RAD51B: variants seen among roughly 807,000 people sequenced by gnomAD.
RAD51B encodes the protein DNA repair protein RAD51 homolog 2.
RAD51B carries 38 observed loss-of-function variants against 42.2 expected under a neutral mutation model. The observed-to-expected ratio is 0.90, with a 90% CI of 0.70 to 1.18. The LOEUF (loss-of-function observed/expected upper bound fraction) is 1.18. Ranked by LOEUF, RAD51B falls within the 50% of genes most tolerant of loss-of-function variation. The probability of loss-of-function intolerance (pLI) is 0.00; values close to 1 mark genes in which losing one functional copy is unlikely to be tolerated. For missense variants in RAD51B, 373 were observed against 400.7 expected, an observed-to-expected ratio of 0.93 and a Z score of 0.59; for synonymous variants, 154 against 145.2, an observed-to-expected ratio of 1.06 and a Z score of -0.43.
intron 9 of RAD51B, among the ~76,000 whole-genome samples, chr14:68,462,074 G>C (rs903509141): frequency 6.6e-6 from 1 of 152,210 alleles, no homozygotes; most frequent in Non-Finnish European, 1.5e-5. Context: ...CAGATCTGCT[G>C]AGTCCCACTG....
chr14:68,275,460 A>C (rs540898283), intron 7 of RAD51B, among the ~76,000 whole-genome samples: 1 of 151,760 alleles, frequency 6.6e-6, no homozygotes, highest in African/African-American at 2.4e-5. Flanking sequence ...AAAGTAGTGG[A>C]ACAAATAAGG....
intron 7 of RAD51B, among the ~76,000 whole-genome samples, chr14:68,232,884 G>A (rs188153339): frequency 6.6e-6 from 1 of 152,128 alleles, no homozygotes; most frequent in Non-Finnish European, 1.5e-5. Flanking sequence ...ACTCATTCAG[G>A]CCTCTAGAAA....
rs568220574 is a variant in RAD51B at position 68,257,275 on chromosome 14, T to A, written c.757-34609T>A. Among the ~76,000 whole-genome samples the A allele has an allele frequency of 3.9e-5, 6 of 152,330 alleles. No homozygotes were observed. In the East Asian group the frequency reaches 7.7e-4, roughly 20 times the overall value. ...AGAAAACATTTTGAGTAGATAATGG[T>A]AATAGTTATGTAATGTTATGAATTA... On this transcript the variant is annotated intron_variant, in intron 7 of 10. Coordinates refer to ENST00000471583, the MANE Select transcript of RAD51B (RefSeq NM_133510.4).
intron 9 of RAD51B, among the ~76,000 whole-genome samples, chr14:68,445,195 G>A (rs1449175199): frequency 6.6e-6 from 1 of 152,088 alleles, no homozygotes; most frequent in East Asian, 1.9e-4. Context: ...TTTCAACAAA[G>A]GGACAATTTA....
intron 7 of RAD51B, among the ~76,000 whole-genome samples, chr14:68,004,191 G>GGT (rs940429108): frequency 2.5e-4 from 38 of 152,132 alleles, no homozygotes; most frequent in African/African-American, 8.4e-4. Context: ...AAATTAGCCA[G>GGT]GTGTGGTGGC....
At chr14:68,428,986 T>A (rs1287018600) in intron 9 of RAD51B, among the ~76,000 whole-genome samples, 2 of 148,598 alleles carry the variant, frequency 1.3e-5, no homozygotes, top group African/African-American at 2.5e-5. Flanking sequence ...ATTCCCACTA[T>A]GAGTGAGAAC....
At chr14:68,090,212 A>C (rs1055062052) in intron 7 of RAD51B, among the ~76,000 whole-genome samples, 2 of 152,170 alleles carry the variant, frequency 1.3e-5, no homozygotes, top group African/African-American at 2.4e-5. Context: ...TATCTCGTTA[A>C]TCTTCCAGCA....
At chr14:67,980,632 A>T (rs2075074741) in intron 7 of RAD51B, among the ~76,000 whole-genome samples, 2 of 152,196 alleles carry the variant, frequency 1.3e-5, no homozygotes, top group Admixed American at 1.3e-4. Context: ...GTATAAAGGC[A>T]ATTCACGGGT....
downstream of RAD51B, among the ~76,000 whole-genome samples, chr14:68,600,767 G>C (rs890679286): frequency 5.3e-5 from 8 of 152,132 alleles, no homozygotes; most frequent in African/African-American, 1.9e-4. Context: ...CACTCTCCCA[G>C]CCTCCTTTAG....
chr14:68,482,210 T>C (rs1479966065), downstream of RAD51B, among the ~76,000 whole-genome samples: 2 of 152,116 alleles, frequency 1.3e-5, no homozygotes, highest in African/African-American at 4.8e-5. Context: ...TGTGTGTGTG[T>C]ATCAAAGTTC....
chr14:67,835,970 G>A (rs1427250729), intron 4 of RAD51B, among the ~76,000 whole-genome samples: 1 of 152,058 alleles, frequency 6.6e-6, no homozygotes, highest in Non-Finnish European at 1.5e-5. Flanking sequence ...ATTAACATAT[G>A]GAAAAATTAT....
chr14:68,243,048 T>A (rs2080425337), intron 7 of RAD51B, among the ~76,000 whole-genome samples: 1 of 152,218 alleles, frequency 6.6e-6, no homozygotes, highest in South Asian at 2.1e-4. Flanking sequence ...ATACTACTAA[T>A]AATACCATAA....
At chr14:68,605,053 C>G (rs1347738301) in intron 10 of RAD51B, among the ~76,000 whole-genome samples, 1 of 152,194 alleles carries the variant, frequency 6.6e-6, no homozygotes, top group East Asian at 1.9e-4. Context: ...CTCCCTCGCT[C>G]CAGCCCTCAA....
At chr14:68,622,188 G>C (rs111823101) in intron 10 of RAD51B, among the ~76,000 whole-genome samples, 3,685 of 152,288 alleles carry the variant, frequency 0.024, 134 homozygotes, top group African/African-American at 0.083. Flanking sequence ...GGTCCTGGCT[G>C]TCTCAGGAGC....
At chr14:68,508,796 C>T (rs1228982460) in intron 10 of RAD51B, among the ~76,000 whole-genome samples, 2 of 152,216 alleles carry the variant, frequency 1.3e-5, no homozygotes, top group Non-Finnish European at 2.9e-5. Context: ...TTTTTTAGCC[C>T]CTGAAAGCCT....
chr14:67,975,972 A>G (rs1430351477), intron 7 of RAD51B, among the ~76,000 whole-genome samples: 1 of 152,098 alleles, frequency 6.6e-6, no homozygotes, highest in African/African-American at 2.4e-5. Flanking sequence ...TGTAATGCTT[A>G]TATTCCTTGC....
intron 7 of RAD51B, among the ~76,000 whole-genome samples, chr14:68,182,428 C>T (rs1298305501): frequency 6.6e-6 from 1 of 152,216 alleles, no homozygotes; most frequent in Non-Finnish European, 1.5e-5. Context: ...TATGTGAGTT[C>T]TGTAACTTTT....
rs540932209 is a variant in RAD51B at position 68,407,398 on chromosome 14, A to G, written c.854-4026A>G. On this transcript the variant is annotated intron_variant, in intron 8 of 10. Transcript: ENST00000471583. ...GCATAACTGTATGTGCTATACTTTT[A>G]TACAGCTGAGATTATAGTAGGTTTA... Among the ~76,000 whole-genome samples, 12 of 152,350 alleles carry G rather than the reference A, an allele frequency of 7.9e-5. No homozygotes were observed. The South Asian group carries it at 2.5e-3, about 32-fold the overall frequency.
At chr14:68,351,574 C>T (rs554219861) in intron 8 of RAD51B, among the ~76,000 whole-genome samples, 8 of 152,216 alleles carry the variant, frequency 5.3e-5, no homozygotes, top group Non-Finnish European at 8.8e-5. Flanking sequence ...ACTAAGAGAG[C>T]ACATTACAGG....
Sources: gnomAD v4.1 joint callset for allele counts (sites outside exome capture counted in the v4.1 genomes callset) on GRCh38, gnomAD v4.1.1 for gene constraint, MANE v1.5 for transcripts, NCBI Gene and HGNC (gene_info 2026-07-23, HGNC 2026-07-21) for gene names.